Variants in CFAP46 observed in about 807,000 individuals in gnomAD.
CFAP46 encodes cilia- and flagella-associated protein 46.
CFAP46 carries 245 observed loss-of-function variants against 325.7 expected under a neutral mutation model. The observed-to-expected ratio is 0.75, with a 90% CI of 0.68 to 0.84. CFAP46 has a LOEUF of 0.84. Ranked by LOEUF, CFAP46 falls within the 40% of genes least tolerant of loss-of-function variation. The pLI is 0.00. For missense variants in CFAP46, 3,346 were observed against 3,543.0 expected, an observed-to-expected ratio of 0.94 and a Z score of 1.41; for synonymous variants, 1,523 against 1,495.9, an observed-to-expected ratio of 1.02 and a Z score of -0.42.
chr10:132,887,162 CTCTTCT>C, intron 25 of CFAP46, among the ~76,000 whole-genome samples: 1 of 33,664 alleles, frequency 3.0e-5, no homozygotes, highest in African/African-American at 3.2e-4. Context: ...TCTCTCCTCT[CTCTTCT>C]TTCCTCTCCC....
chr10:132,821,265 A>ATGTGTGCTGTGTGTGCTGTGTGTTG (rs1565035131), intron 50 of CFAP46, among the ~76,000 whole-genome samples: 4 of 94,060 alleles, frequency 4.3e-5, no homozygotes, highest in Non-Finnish European at 5.9e-5. Context: ...GTGAGCGCTG[A>ATGTGTGCTGTGTGTGCTGTGTGTTG]TGTGTGCTGT....
chr10:132,935,354 C>T (rs1455012741), intron 7 of CFAP46, among the ~76,000 whole-genome samples: 2 of 148,720 alleles, frequency 1.3e-5, no homozygotes, highest in Non-Finnish European at 3.0e-5. Flanking sequence ...GTGATCTCCT[C>T]ACTCCCCTTG....
intron 19 of CFAP46, among the ~76,000 whole-genome samples, 199 bp downstream of exon 19, chr10:132,912,453 CTCT>C: frequency 6.9e-6 from 1 of 144,378 alleles, no homozygotes; most frequent in African/African-American, 2.6e-5. Context: ...TCCTCTCTCT[CTCT>C]CTTCACCTCT....
intron 25 of CFAP46, among the ~76,000 whole-genome samples, chr10:132,887,073 C>CCTCTCTCACTTCT (rs1849143837): frequency 6.7e-6 from 1 of 149,680 alleles, no homozygotes; most frequent in South Asian, 2.1e-4. Context: ...TCTCTCCTCT[C>CCTCTCTCACTTCT]CTCTCTCACT....
At chr10:132,900,113 A>T (rs1165913073) in intron 22 of CFAP46, among the ~76,000 whole-genome samples, 1 of 152,166 alleles carries the variant, frequency 6.6e-6, no homozygotes, top group African/African-American at 2.4e-5. Flanking sequence ...CCCCAGAACC[A>T]TGGGGCAGAA....
At chr10:132,860,351 T>A in intron 37 of CFAP46, 66 bp downstream of exon 37, 1 of 1,281,030 alleles carries the variant, frequency 7.8e-7, no homozygotes, top group Non-Finnish European at 1.1e-6. Context: ...GGCACAAAAA[T>A]TGCAGATGGA....
At chr10:132,864,440 T>C (rs1342782632) in intron 35 of CFAP46, among the ~76,000 whole-genome samples, 12 of 87,026 alleles carry the variant, frequency 1.4e-4, no homozygotes, top group Admixed American at 5.0e-4. Flanking sequence ...CCCCAGTGCC[T>C]GAGACCTGCA....
At position 132,858,680 on chromosome 10, in the gene CFAP46, A is replaced by G. The variant is rs146384224; in HGVS notation, c.5375+391T>C. On this transcript the variant is annotated intron_variant, in intron 38 of 57. Transcript: ENST00000368586. ...GCTCAGGGCTGTGCTCGGGATGTGCACGTGTGACCTGGGCCTGGGCATGTG... is the reference window on the plus strand; with the variant it reads ...GCTCAGGGCTGTGCTCGGGATGTGCGCGTGTGACCTGGGCCTGGGCATGTG... Among the ~76,000 whole-genome samples, 1,405 of 152,016 alleles carry G rather than the reference A, an allele frequency of 9.2e-3. 12 individuals carry two copies. Among genetic ancestry groups the G allele is most frequent in the South Asian group, 0.043 (207 of 4,820 alleles).
chr10:132,898,885 T>G, intron 24 of CFAP46, 74 bp downstream of exon 24: 2 of 1,515,350 alleles, frequency 1.3e-6, no homozygotes, highest in Non-Finnish European at 1.8e-6. Context: ...TCTTTGGGAG[T>G]CTCTCCGGTC....
chr10:132,836,589 G>C (rs533513754), intron 45 of CFAP46, among the ~76,000 whole-genome samples: 54 of 152,336 alleles, frequency 3.5e-4, no homozygotes, highest in African/African-American at 1.1e-3. Context: ...CAAAGACCCT[G>C]TACTGGAGAC....
chr10:132,903,966 C>T (rs944460056), intron 22 of CFAP46, among the ~76,000 whole-genome samples: 10 of 152,282 alleles, frequency 6.6e-5, no homozygotes, highest in Admixed American at 1.3e-4. Flanking sequence ...GATTTGGCAA[C>T]CACACAGTCA....
intron 8 of CFAP46, among the ~76,000 whole-genome samples, 183 bp from the exon 9 acceptor site, chr10:132,929,987 C>T (rs570376752): frequency 1.4e-4 from 22 of 152,228 alleles, no homozygotes; most frequent in African/African-American, 2.4e-5. Context: ...CTTCAAGCTA[C>T]AGCACCGGAG....
At position 132,919,579 on chromosome 10, in the gene CFAP46, C is replaced by T. The variant is rs775954285; in HGVS notation, c.1731-137G>A. 6.9e-5 allele frequency: 82 copies of T among 1,185,426 alleles called. No individual in the cohort carries two copies. The Middle Eastern group carries it at 7.4e-4, about 11-fold the overall frequency. The allele number at this position is 1,185,426 out of a possible 1,614,324, so 73.4% of individuals were successfully genotyped here. A position where few individuals can be genotyped will look rare whatever the true frequency, so the allele number is the denominator to read the frequency against. ...TCAAGGTGGCAAGGAGCCCGGCACT[C>T]GCGCTGGGTACGGCCTGGCGGGTGC... On this transcript the variant is annotated intron_variant, in intron 14 of 57. Coordinates refer to ENST00000368586, the MANE Select transcript of CFAP46 (RefSeq NM_001200049.3). This position sits in a 1 kb window ranked among gnomAD's most constrained non-coding sequence, Gnocchi z 9.7.
At chr10:132,932,590 G>GCGGCCTCCTCCTCCC (rs1439495131) in intron 8 of CFAP46, among the ~76,000 whole-genome samples, 1 of 148,054 alleles carries the variant, frequency 6.8e-6, no homozygotes, top group African/African-American at 2.5e-5. Context: ...CATAGATCCT[G>GCGGCCTCCTCCTCCC]CAGCTTCCTC....
intron 22 of CFAP46, among the ~76,000 whole-genome samples, chr10:132,905,718 C>G (rs1849447780): frequency 6.6e-6 from 1 of 152,198 alleles, no homozygotes; most frequent in African/African-American, 2.4e-5. Flanking sequence ...CTGATCTCAG[C>G]CTGGTGTCAG....
chr10:132,908,704 A>C (rs1195076537), intron 21 of CFAP46, 70 bp from the exon 22 acceptor site: 11 of 1,456,038 alleles, frequency 7.6e-6, no homozygotes, highest in Admixed American at 2.4e-5. Context: ...TGCAGCCCCC[A>C]CGGACCACGC....
chr10:132,833,775 C>T (rs1375486916), intron 49 of CFAP46, among the ~76,000 whole-genome samples: 2 of 152,332 alleles, frequency 1.3e-5, no homozygotes, highest in South Asian at 2.1e-4. Context: ...AATCCACCCA[C>T]GCGAAGGTGG....
intron 35 of CFAP46, among the ~76,000 whole-genome samples, chr10:132,862,426 A>T (rs1380213055): frequency 2.7e-5 from 1 of 37,412 alleles, no homozygotes; most frequent in Non-Finnish European, 5.1e-5. Flanking sequence ...GAAGGCAGGG[A>T]GAGGACAGGG....
At chr10:132,917,533 A>G (rs926225903) in intron 16 of CFAP46, among the ~76,000 whole-genome samples, 1 of 152,194 alleles carries the variant, frequency 6.6e-6, no homozygotes, top group Non-Finnish European at 1.5e-5. Flanking sequence ...CGCCACATTC[A>G]ATGCGCTTCT....
Sources: allele counts gnomAD v4.1 joint callset (sites outside exome capture counted in the v4.1 genomes callset), GRCh38; gene constraint gnomAD v4.1.1; non-coding constraint Gnocchi (gnomAD v3.1); transcripts MANE v1.5; gene names NCBI Gene and HGNC (gene_info 2026-07-23, HGNC 2026-07-21).